The following SGCD variants were observed in gnomAD, a reference collection of about 807,000 sequenced individuals.
The protein encoded by SGCD is delta-sarcoglycan.
A neutral mutation model predicts 36.6 loss-of-function variants in SGCD; 18 were observed. The observed-to-expected ratio is 0.49, with a 90% CI of 0.34 to 0.73. The LOEUF is 0.73. Ranked by LOEUF, SGCD falls within the 30% of genes least tolerant of loss-of-function variation. The probability of loss-of-function intolerance (pLI) is 0.01; values close to 1 mark genes in which losing one functional copy is unlikely to be tolerated. For missense variants in SGCD, 387 were observed against 346.7 expected (o/e 1.12, Z -0.92); for synonymous variants, 133 against 130.6 (o/e 1.02, Z -0.12).
intron 6 of SGCD, among the ~76,000 whole-genome samples, chr5:156,641,797 A>G (rs1286476090): frequency 6.6e-6 from 1 of 152,026 alleles, no homozygotes; most frequent in Non-Finnish European, 1.5e-5. Context: ...TTTTTCTCTT[A>G]AATATTTCCT....
At chr5:156,309,737 C>T (rs931752818) in intron 3 of SGCD, among the ~76,000 whole-genome samples, 4 of 151,782 alleles carry the variant, frequency 2.6e-5, no homozygotes, top group South Asian at 2.1e-4. Flanking sequence ...CCACCTGCCT[C>T]GGCCTCCCAA....
At chr5:156,295,440 TTTCTC>T (rs1766868821) in intron 3 of SGCD, among the ~76,000 whole-genome samples, 1 of 152,204 alleles carries the variant, frequency 6.6e-6, no homozygotes, top group Non-Finnish European at 1.5e-5. Flanking sequence ...TTATGTTTCT[TTTCTC>T]TATTTCATTT....
intron 1 of SGCD, among the ~76,000 whole-genome samples, chr5:155,948,900 T>C (rs755283237): frequency 6.6e-6 from 1 of 152,166 alleles, no homozygotes; most frequent in Non-Finnish European, 1.5e-5. Flanking sequence ...GCTGAACTAA[T>C]TAGTCAATGA....
chr5:155,949,833 T>G (rs550638852), intron 1 of SGCD, among the ~76,000 whole-genome samples: 3 of 152,272 alleles, frequency 2.0e-5, no homozygotes, highest in South Asian at 4.1e-4. Context: ...CAGAAAAAGT[T>G]TGGGGATTAC....
chr5:156,514,601 C>A lies in SGCD; in HGVS notation c.294+5899C>A, dbSNP rs548825767. On this transcript the variant is annotated intron_variant, in intron 4 of 8. Coordinates refer to ENST00000337851, the MANE Select transcript of SGCD (RefSeq NM_000337.6). ...CGTAAAAAATCTTGGCTCTGCCTAT[C>A]GTAAGATAGTCTCATGTATGAAAAC... is the stretch of plus-strand genomic sequence containing the variant. 3.9e-5 allele frequency among the ~76,000 whole-genome samples: 6 copies of A among 152,240 alleles called. No homozygotes were observed. The South Asian group carries it at 1.2e-3, about 32-fold the overall frequency.
At chr5:155,812,096 G>A in the SGCD span, among the ~76,000 whole-genome samples, 3 of 152,182 alleles carry the variant, frequency 2.0e-5, no homozygotes, top group South Asian at 4.1e-4. Flanking sequence ...GAAACAGGAC[G>A]TGAAGCTAGA....
chr5:156,072,490 C>T (rs111575147), intron 1 of SGCD, among the ~76,000 whole-genome samples: 19 of 151,878 alleles, frequency 1.3e-4, no homozygotes, highest in African/African-American at 1.9e-4. Flanking sequence ...GAGTTTCTGC[C>T]GAGAGATCCG....
At position 156,635,441 on chromosome 5, in the gene SGCD, T is replaced by C. The variant is rs561665787; in HGVS notation, c.503-12023T>C. ...ATCACTTTTACACTGTTGGTGGGAC[T>C]GTAAACTAGTTCAACCATTGTGGAA... On this transcript the variant is annotated intron_variant, in intron 6 of 8. Coordinates refer to ENST00000337851, the MANE Select transcript of SGCD (RefSeq NM_000337.6). Among the ~76,000 whole-genome samples the C allele has an allele frequency of 2.2e-3, 336 of 152,332 alleles. 2 individuals are homozygous for C. Among genetic ancestry groups the C allele is most frequent in the African/African-American group, 7.6e-3 (314 of 41,586 alleles).
chr5:156,182,707 CT>C (rs1274857519), intron 3 of SGCD, among the ~76,000 whole-genome samples: 4 of 152,206 alleles, frequency 2.6e-5, no homozygotes, highest in African/African-American at 9.7e-5. Flanking sequence ...TTCTTCATCC[CT>C]TTTTGTGTCA....
intron 1 of SGCD, among the ~76,000 whole-genome samples, chr5:156,004,774 C>A (rs1247304038): frequency 2.0e-5 from 3 of 152,178 alleles, no homozygotes; most frequent in Non-Finnish European, 4.4e-5. Context: ...GGTAAATGAG[C>A]CTACCCTTTA....
At chr5:156,676,583 G>C (rs1031935651) in intron 7 of SGCD, among the ~76,000 whole-genome samples, 1 of 152,152 alleles carries the variant, frequency 6.6e-6, no homozygotes, top group African/African-American at 2.4e-5. Flanking sequence ...GGTAAGCAAT[G>C]CTGGCCTTGC....
At chr5:156,436,613 C>T (rs930483210) in intron 3 of SGCD, among the ~76,000 whole-genome samples, 3 of 152,164 alleles carry the variant, frequency 2.0e-5, no homozygotes, top group Non-Finnish European at 2.9e-5. Flanking sequence ...TTACAAAGCA[C>T]GTTAATGACA....
intron 6 of SGCD, among the ~76,000 whole-genome samples, chr5:156,611,829 T>G (rs1253339593): frequency 6.6e-6 from 1 of 152,244 alleles, no homozygotes; most frequent in African/African-American, 2.4e-5. Context: ...GTCTTCATGT[T>G]CAAAAATTCT....
intron 3 of SGCD, among the ~76,000 whole-genome samples, chr5:156,206,988 C>G (rs1009050009): frequency 2.6e-5 from 4 of 151,988 alleles, no homozygotes; most frequent in South Asian, 4.2e-4. Context: ...TTTATTATAT[C>G]AAAAAGATAT....
intron 3 of SGCD, among the ~76,000 whole-genome samples, chr5:156,437,577 CTG>C (rs1195297351): frequency 6.6e-6 from 1 of 152,132 alleles, no homozygotes; most frequent in East Asian, 1.9e-4. Context: ...TGTTTCAGTG[CTG>C]TGATTGAACA....
intron 4 of SGCD, among the ~76,000 whole-genome samples, chr5:156,581,657 G>A (rs1760262338): frequency 6.6e-6 from 1 of 152,182 alleles, no homozygotes; most frequent in African/African-American, 2.4e-5. Context: ...CCAGGCTGCT[G>A]CCTCGCAGGT....
chr5:156,000,058 C>A (rs1758632901), intron 1 of SGCD, among the ~76,000 whole-genome samples: 1 of 152,186 alleles, frequency 6.6e-6, no homozygotes, highest in South Asian at 2.1e-4. Flanking sequence ...GGAGCCTGAA[C>A]ATAGAAGTGC....
At chr5:156,062,581 C>G (rs1201251957) in intron 1 of SGCD, among the ~76,000 whole-genome samples, 3 of 77,752 alleles carry the variant, frequency 3.9e-5, no homozygotes, top group Admixed American at 3.8e-4. Context: ...TCTCCGCATC[C>G]TCTCCAGCAC....
At chr5:156,698,848 C>CAT (rs1754420493) in intron 7 of SGCD, among the ~76,000 whole-genome samples, 1 of 138,296 alleles carries the variant, frequency 7.2e-6, no homozygotes, top group Non-Finnish European at 1.5e-5. Flanking sequence ...AATACACACA[C>CAT]ACACACACAC....
Sources: allele counts gnomAD v4.1 joint callset (sites outside exome capture counted in the v4.1 genomes callset), GRCh38; gene constraint gnomAD v4.1.1; transcripts MANE v1.5; gene names NCBI Gene and HGNC (gene_info 2026-07-23, HGNC 2026-07-21).